The following RPSA2 variants were observed in gnomAD, a reference collection of about 807,000 sequenced individuals.
RPSA2 encodes the protein small ribosomal subunit protein uS2B.
the RPSA2 span, among the ~76,000 whole-genome samples, chr19:23,853,644 G>A: frequency 6.6e-6 from 1 of 152,152 alleles, no homozygotes; most frequent in Non-Finnish European, 1.5e-5. Context: ...CCGAGTCTGG[G>A]AACAAACCCC....
the RPSA2 span, among the ~76,000 whole-genome samples, chr19:23,865,411 G>A: frequency 6.6e-6 from 1 of 152,176 alleles, no homozygotes; most frequent in Non-Finnish European, 1.5e-5. Flanking sequence ...GACACAGTAG[G>A]AGAGGGATTG....
the RPSA2 span, among the ~76,000 whole-genome samples, chr19:23,793,617 C>T: frequency 6.6e-6 from 1 of 151,608 alleles, no homozygotes; most frequent in Non-Finnish European, 1.5e-5. Context: ...GACTGGAGTG[C>T]AATGGCGTGA....
At chr19:23,810,245 T>A in the RPSA2 span, among the ~76,000 whole-genome samples, 1 of 151,716 alleles carries the variant, frequency 6.6e-6, no homozygotes, top group East Asian at 1.9e-4. Context: ...TACAAAAAAA[T>A]TAGCCGGGCG....
the RPSA2 span, among the ~76,000 whole-genome samples, chr19:23,863,535 G>T: frequency 7.4e-6 from 1 of 135,526 alleles, no homozygotes; most frequent in African/African-American, 2.8e-5. Context: ...CTGTACTCCA[G>T]TCTGGGAGAC....
chr19:23,772,680 C>G, the RPSA2 span, among the ~76,000 whole-genome samples: 1 of 152,154 alleles, frequency 6.6e-6, no homozygotes, highest in Non-Finnish European at 1.5e-5. Context: ...CCTCGCCAAC[C>G]ATTAGGATTA....
the RPSA2 span, among the ~76,000 whole-genome samples, chr19:23,788,852 T>A: frequency 1.3e-5 from 2 of 152,260 alleles, no homozygotes; most frequent in African/African-American, 2.4e-5. Flanking sequence ...CTCGCCTACA[T>A]GCTTCATGCA....
At chr19:23,792,703 C>T in the RPSA2 span, among the ~76,000 whole-genome samples, 6 of 151,148 alleles carry the variant, frequency 4.0e-5, no homozygotes, top group African/African-American at 7.3e-5. Context: ...TTAGTAGAGA[C>T]GGGCTTTCAC....
chr19:23,854,354 G>T, the RPSA2 span, among the ~76,000 whole-genome samples: 7 of 152,318 alleles, frequency 4.6e-5, no homozygotes, highest in South Asian at 4.1e-4. Flanking sequence ...GAGATCTACT[G>T]CTCCACCCCC....
the RPSA2 span, among the ~76,000 whole-genome samples, chr19:23,788,577 G>A: frequency 6.6e-6 from 1 of 152,114 alleles, no homozygotes; most frequent in Non-Finnish European, 1.5e-5. Flanking sequence ...GACCACAAGA[G>A]TATTATGAAA....
the RPSA2 span, among the ~76,000 whole-genome samples, chr19:23,807,572 T>C: frequency 6.6e-6 from 1 of 152,226 alleles, no homozygotes; most frequent in Non-Finnish European, 1.5e-5. Context: ...GTCTATGCCC[T>C]CAATTTTATA....
chr19:23,852,976 G>A, the RPSA2 span, among the ~76,000 whole-genome samples: 1 of 152,198 alleles, frequency 6.6e-6, no homozygotes, highest in South Asian at 2.1e-4. Context: ...ATTGATAACA[G>A]TCAATTCTTT....
At chr19:23,758,714 C>T in the RPSA2 span, 3 of 1,614,196 alleles carry the variant, frequency 1.9e-6, no homozygotes, top group Non-Finnish European at 2.5e-6. Flanking sequence ...AGCCCCTTCC[C>T]CTCTCTCGGG....
At chr19:23,791,487 A>T in the RPSA2 span, among the ~76,000 whole-genome samples, 1 of 152,140 alleles carries the variant, frequency 6.6e-6, no homozygotes, top group Non-Finnish European at 1.5e-5. Flanking sequence ...CCTCAGTCTA[A>T]TTGCCTGCCA....
the RPSA2 span, among the ~76,000 whole-genome samples, chr19:23,867,735 C>A: frequency 6.7e-6 from 1 of 150,056 alleles, no homozygotes; most frequent in Non-Finnish European, 1.5e-5. Context: ...AAGGCTGAGG[C>A]AGGAGAATGG....
the RPSA2 span, among the ~76,000 whole-genome samples, chr19:23,834,778 T>C: frequency 1.3e-5 from 2 of 152,060 alleles, no homozygotes; most frequent in Admixed American, 1.3e-4. Context: ...TACACAAGGG[T>C]GTAGGTAACA....
chr19:23,855,488 A>G, the RPSA2 span, among the ~76,000 whole-genome samples: 148,856 of 152,218 alleles, frequency 0.98, 72,877 homozygotes, highest in Middle Eastern at 1. Flanking sequence ...AGGAGGTTCC[A>G]GCACGACCAG....
At chr19:23,830,741 A>G in the RPSA2 span, among the ~76,000 whole-genome samples, 1 of 151,920 alleles carries the variant, frequency 6.6e-6, no homozygotes, top group African/African-American at 2.4e-5. Context: ...TTTATTACCA[A>G]TTATTAAAAG....
At chr19:23,788,091 G>C in the RPSA2 span, among the ~76,000 whole-genome samples, 150 of 152,204 alleles carry the variant, frequency 9.9e-4, no homozygotes, top group African/African-American at 3.2e-3. Context: ...TTGGCCAGTC[G>C]CCTAAATGAT....
the RPSA2 span, among the ~76,000 whole-genome samples, chr19:23,820,286 C>T: frequency 2.6e-5 from 4 of 152,128 alleles, no homozygotes; most frequent in East Asian, 5.8e-4. Flanking sequence ...TCTCTAGTGC[C>T]GTTTTTCCCA....
Sources: gnomAD v4.1 joint callset for allele counts (sites outside exome capture counted in the v4.1 genomes callset) on GRCh38, gnomAD v4.1.1 for gene constraint, MANE v1.5 for transcripts, NCBI Gene and HGNC (gene_info 2026-07-23, HGNC 2026-07-21) for gene names.